The following AGTPBP1 variants were observed in gnomAD, a reference collection of about 807,000 sequenced individuals.
AGTPBP1 encodes ATP/GTP binding carboxypeptidase 1, also known as cytosolic carboxypeptidase 1.
A neutral mutation model predicts 143.9 loss-of-function variants in AGTPBP1; 70 were observed. The ratio of observed to expected loss-of-function variants is 0.49; its 90% CI spans 0.40 to 0.59. AGTPBP1 has a LOEUF of 0.59. Among genes scored for constraint, AGTPBP1 ranks in the 20% least tolerant of loss-of-function variants. The probability of loss-of-function intolerance (pLI) is 0.00; values close to 1 mark genes in which losing one functional copy is unlikely to be tolerated. For synonymous variants in AGTPBP1, 463 were observed against 500.2 expected, an observed-to-expected ratio of 0.93 and a Z score of 0.99; for missense variants, 1,229 against 1,464.5, an observed-to-expected ratio of 0.84 and a Z score of 2.62.
At chr9:85,719,980 T>C (rs1198869146) in intron 1 of AGTPBP1, among the ~76,000 whole-genome samples, 3 of 152,242 alleles carry the variant, frequency 2.0e-5, no homozygotes, top group African/African-American at 7.2e-5. Context: ...TTTGCGTATG[T>C]TGAACCAGCC....
At chr9:85,655,749 T>C (rs892841605) in intron 10 of AGTPBP1, among the ~76,000 whole-genome samples, 1 of 152,038 alleles carries the variant, frequency 6.6e-6, no homozygotes, top group African/African-American at 2.4e-5. Context: ...TCAGTTATCA[T>C]GCAATAATAC....
rs184764758 is a variant in AGTPBP1 at position 85,727,723 on chromosome 9, A to G, written c.-34+14052T>C. Among the ~76,000 whole-genome samples, 862 of 152,278 alleles carry G rather than the reference A, an allele frequency of 5.7e-3. 4 individuals are homozygous for G. Among genetic ancestry groups the G allele is most frequent in the Non-Finnish European group, 8.9e-3 (602 of 68,022 alleles). On this transcript the variant is annotated intron_variant, in intron 1 of 25. Transcript: ENST00000357081. The stretch of plus-strand genomic sequence containing the variant: ...AACTCTCTGCCAGGCCTTAGAGAAA[A>G]TATTTTTAAGGCCAGTTGTGTTGAT...
chr9:85,604,268 CAG>C (rs1167397680), intron 17 of AGTPBP1, among the ~76,000 whole-genome samples: 1 of 152,208 alleles, frequency 6.6e-6, no homozygotes, highest in Non-Finnish European at 1.5e-5. Context: ...CAACTCAGCA[CAG>C]AGAGACAGAC....
intron 1 of AGTPBP1, among the ~76,000 whole-genome samples, chr9:85,725,771 C>A (rs116463394): frequency 6.6e-6 from 1 of 151,932 alleles, no homozygotes; most frequent in African/African-American, 2.4e-5. Flanking sequence ...TTAGGTCAGG[C>A]GCAGTGGCTC....
chr9:85,561,495 G>A (rs974423112), intron 25 of AGTPBP1, among the ~76,000 whole-genome samples: 1 of 151,938 alleles, frequency 6.6e-6, no homozygotes, highest in Non-Finnish European at 1.5e-5. Flanking sequence ...CCATATCTTT[G>A]ATGTGCTGAA....
At chr9:85,729,894 A>C (rs990427186) in intron 1 of AGTPBP1, among the ~76,000 whole-genome samples, 2 of 152,192 alleles carry the variant, frequency 1.3e-5, no homozygotes, top group Non-Finnish European at 2.9e-5. Flanking sequence ...AAGTTATTTC[A>C]CAGCTCCTCC....
chr9:85,702,567 T>G (rs1564162300), intron 2 of AGTPBP1, among the ~76,000 whole-genome samples: 1 of 152,084 alleles, frequency 6.6e-6, no homozygotes, highest in East Asian at 1.9e-4. Context: ...ATCATCAGTT[T>G]TTTTTTTTTA....
chr9:85,585,346 A>T (rs1828537140), intron 23 of AGTPBP1, 117 bp downstream of exon 23: 1 of 1,108,024 alleles, frequency 9.0e-7, no homozygotes, highest in South Asian at 3.1e-5. Flanking sequence ...GAAAAATCTG[A>T]AACAAAAATG....
chr9:85,673,404 A>C (rs986755874), intron 6 of AGTPBP1, among the ~76,000 whole-genome samples: 7 of 152,214 alleles, frequency 4.6e-5, no homozygotes. Flanking sequence ...AATAATACTT[A>C]ATATGAACCA....
intron 22 of AGTPBP1, 145 bp from the exon 23 acceptor site, chr9:85,585,739 C>T (rs1164433599): frequency 4.9e-6 from 3 of 606,742 alleles, no homozygotes; most frequent in East Asian, 6.7e-5. Context: ...CAATTAGAAC[C>T]AACAAAAGTA....
In AGTPBP1 at chr9:85,712,559, C is replaced by A; in HGVS notation, c.-26G>T. ...CTTGAGTTACTTCATTTCATAATTGCAGATAATCTAAAAGAAAAATGTTAA... is the reference window on the plus strand; with the variant it reads ...CTTGAGTTACTTCATTTCATAATTGAAGATAATCTAAAAGAAAAATGTTAA... On this transcript the variant is annotated 5_prime_UTR_variant, in exon 2 of 26. Coordinates refer to ENST00000357081, the MANE Select transcript of AGTPBP1 (RefSeq NM_001330701.2). The A allele has an allele frequency of 7.0e-7, 1 of 1,437,878 alleles. No individual in the cohort carries two copies. Among genetic ancestry groups the A allele is most frequent in the Non-Finnish European group, 9.3e-7 (1 of 1,070,178 alleles). 89.1% of individuals were successfully genotyped at this position (1,437,878 alleles called of 1,614,324 possible). A position where few individuals can be genotyped will look rare whatever the true frequency, so the allele number is the denominator to read the frequency against.
At chr9:85,560,098 CAA>C (rs982503835) in intron 25 of AGTPBP1, among the ~76,000 whole-genome samples, 2 of 152,042 alleles carry the variant, frequency 1.3e-5, no homozygotes, top group African/African-American at 2.4e-5. Context: ...CAAAAGCAAA[CAA>C]GAGATAATAA....
intron 1 of AGTPBP1, among the ~76,000 whole-genome samples, chr9:85,713,783 A>C (rs1273730193): frequency 1.3e-5 from 2 of 152,208 alleles, no homozygotes; most frequent in Non-Finnish European, 1.5e-5. Flanking sequence ...AAATATTTAG[A>C]ATTGTGTACA....
At chr9:85,726,017 C>T (rs1312099343) in intron 1 of AGTPBP1, among the ~76,000 whole-genome samples, 4 of 135,790 alleles carry the variant, frequency 2.9e-5, no homozygotes, top group African/African-American at 1.2e-4. Context: ...GATCATGCTA[C>T]TTGCACTCCA....
the AGTPBP1 span, among the ~76,000 whole-genome samples, chr9:85,750,697 T>G: frequency 6.6e-5 from 10 of 152,158 alleles, no homozygotes; most frequent in South Asian, 2.1e-4. Flanking sequence ...TGGAAATTGT[T>G]CTCCCTTGTC....
At chr9:85,706,245 G>T (rs1836988651) in intron 2 of AGTPBP1, among the ~76,000 whole-genome samples, 2 of 151,404 alleles carry the variant, frequency 1.3e-5, no homozygotes, top group South Asian at 2.1e-4. Flanking sequence ...AGGCACAATG[G>T]CTCACACCTG....
chr9:85,553,966 C>A (rs1411429692), intron 25 of AGTPBP1: 2 of 152,142 alleles, frequency 1.3e-5, no homozygotes, highest in South Asian at 2.1e-4. Context: ...AACATTAGAA[C>A]CTCTGGGATA....
At chr9:85,671,164 T>C (rs112852900) in intron 7 of AGTPBP1, among the ~76,000 whole-genome samples, 2,724 of 152,096 alleles carry the variant, frequency 0.018, 90 homozygotes, top group African/African-American at 0.062. Context: ...CCCAGGCTGG[T>C]TGCAAACTCC....
At chr9:85,698,962 A>G (rs985585869) in intron 2 of AGTPBP1, among the ~76,000 whole-genome samples, 1 of 151,756 alleles carries the variant, frequency 6.6e-6, no homozygotes, top group African/African-American at 2.4e-5. Flanking sequence ...CAAAGCGCTG[A>G]GATTACACAC....
Sources: allele counts gnomAD v4.1 joint callset (sites outside exome capture counted in the v4.1 genomes callset), GRCh38; gene constraint gnomAD v4.1.1; transcripts MANE v1.5; gene names NCBI Gene and HGNC (gene_info 2026-07-23, HGNC 2026-07-21).